DENND2B: variants seen among roughly 807,000 people sequenced by gnomAD.
The protein encoded by DENND2B is DENN domain-containing protein 2B.
In DENND2B, 32 loss-of-function variants were observed where a neutral mutation model predicts 116.0. The observed-to-expected ratio is 0.28, with a 90% CI of 0.21 to 0.37. The LOEUF is 0.37. Among genes scored for constraint, DENND2B ranks in the 10% least tolerant of loss-of-function variants. The pLI is 1.00. For missense variants in DENND2B, 1,276 were observed against 1,477.7 expected, an observed-to-expected ratio of 0.86 and a Z score of 2.24; for synonymous variants, 588 against 583.9, an observed-to-expected ratio of 1.01 and a Z score of -0.10.
intron 7 of DENND2B, 34 bp downstream of exon 7, chr11:8,714,576 A>G: frequency 6.3e-7 from 1 of 1,592,630 alleles, no homozygotes; most frequent in Non-Finnish European, 8.6e-7. Context: ...CAAGGGCCCC[A>G]AACAGCTGAA....
chr11:8,767,825 T>G (rs2056132781), intron 1 of DENND2B, among the ~76,000 whole-genome samples: 1 of 152,108 alleles, frequency 6.6e-6, no homozygotes, highest in Non-Finnish European at 1.5e-5. Context: ...TTCTTAGAGT[T>G]GACTAAAAAG....
chr11:8,734,390 G>A (rs546228994), intron 2 of DENND2B, among the ~76,000 whole-genome samples: 2 of 152,160 alleles, frequency 1.3e-5, no homozygotes, highest in East Asian at 1.9e-4. Flanking sequence ...CACAGCCTTG[G>A]GGTTCAAGTT....
rs1283379255 is a variant in DENND2B at position 8,810,534 on chromosome 11, T to A, written c.-43A>T. On this transcript the variant is annotated 5_prime_UTR_variant, in exon 1 of 20. An upstream open reading frame in the 5' UTR gains an earlier in-frame stop. Coordinates refer to ENST00000313726, the MANE Select transcript of DENND2B (RefSeq NM_213618.2). ...GCCCTTACCTGAAAGTCCCGCTGCT[T>A]TCCTGCCCACTCCATTCTCACACCG... is the stretch of plus-strand genomic sequence containing the variant. 6.6e-6 allele frequency: 1 copy of A among 152,234 alleles called. No homozygotes were observed. The highest frequency in any genetic ancestry group is 2.4e-5 in the African/African-American group (1 of 41,444). 9.4% of individuals were successfully genotyped at this position (152,234 alleles called of 1,614,324 possible).
At chr11:8,719,284 T>C in intron 4 of DENND2B, 1 of 959,348 alleles carries the variant, frequency 1.0e-6, no homozygotes. Context: ...GGCATCTACT[T>C]ATGCAGAACC....
intron 4 of DENND2B, among the ~76,000 whole-genome samples, chr11:8,723,557 G>A (rs2046561519): frequency 6.6e-6 from 1 of 152,176 alleles, no homozygotes; most frequent in African/African-American, 2.4e-5. Context: ...CTTCCACTCT[G>A]GGATGTTAGT....
At chr11:8,772,989 C>T (rs1170988555) in intron 1 of DENND2B, among the ~76,000 whole-genome samples, 3 of 152,198 alleles carry the variant, frequency 2.0e-5, no homozygotes, top group Non-Finnish European at 2.9e-5. Context: ...ATTTCTGCCC[C>T]GCTCTGAGCC....
rs112440263 is a variant in DENND2B at position 8,902,929 on chromosome 11, G to A, written c.-256+7892C>T. 7.6e-4 allele frequency among the ~76,000 whole-genome samples: 115 copies of A among 152,136 alleles called. 1 individual carries two copies. Among genetic ancestry groups the A allele is most frequent in the African/African-American group, 2.7e-3 (111 of 41,548 alleles). On this transcript the variant is annotated intron_variant, in intron 1 of 22. Transcript: ENST00000534127. ...CATTTGATCACAGTGGTGCAATCTCGGCTCACTGCAACCTCCACCTCCCAG... is the reference window on the plus strand; with the variant it reads ...CATTTGATCACAGTGGTGCAATCTCAGCTCACTGCAACCTCCACCTCCCAG...
chr11:8,734,086 C>T (rs956615595), intron 2 of DENND2B, among the ~76,000 whole-genome samples: 1 of 152,172 alleles, frequency 6.6e-6, no homozygotes, highest in African/African-American at 2.4e-5. Context: ...TCACTCATTC[C>T]AAGGTCTGGT....
intron 1 of DENND2B, among the ~76,000 whole-genome samples, chr11:8,801,257 C>T (rs1565978803): frequency 6.6e-6 from 1 of 152,016 alleles, no homozygotes; most frequent in African/African-American, 2.4e-5. Context: ...ACAGGAGCTC[C>T]GATCTATATG....
chr11:8,877,049 CCT>C (rs1594330016), intron 2 of DENND2B, among the ~76,000 whole-genome samples: 2 of 151,706 alleles, frequency 1.3e-5, no homozygotes, highest in East Asian at 3.9e-4. Flanking sequence ...TCCCCTCACT[CCT>C]CTGTCTTGCT....
chr11:8,734,767 C>T (rs1275895841), intron 2 of DENND2B, among the ~76,000 whole-genome samples: 1 of 122,520 alleles, frequency 8.2e-6, no homozygotes, highest in Non-Finnish European at 1.6e-5. Context: ...CCGGCCTGGG[C>T]AGCAAGAGTG....
intron 1 of DENND2B, chr11:8,776,483 G>C (rs1228283257): frequency 2.9e-6 from 1 of 344,162 alleles, no homozygotes; most frequent in Non-Finnish European, 5.7e-6. Context: ...CCGGTGGGAG[G>C]GGCTTCAACA....
At chr11:8,889,581 C>T (rs2064001906) in intron 1 of DENND2B, among the ~76,000 whole-genome samples, 2 of 152,236 alleles carry the variant, frequency 1.3e-5, no homozygotes, top group Admixed American at 1.3e-4. Context: ...GCAAACGGCA[C>T]AACAGGAGAT....
Position 8,712,092 on chromosome 11 carries a change from G to A in DENND2B, c.2172+459C>T, listed in dbSNP as rs114959446. 1.4e-3 allele frequency: 567 copies of A among 414,288 alleles called. 4 individuals are homozygous for A. Among genetic ancestry groups the A allele is most frequent in the African/African-American group, 0.011 (533 of 48,794 alleles). 25.7% of individuals were successfully genotyped at this position (414,288 alleles called of 1,614,324 possible). On this transcript the variant is annotated intron_variant, in intron 9 of 19. Transcript: ENST00000313726. This position sits in a 1 kb window ranked among gnomAD's most constrained non-coding sequence, Gnocchi z 4.4. The stretch of plus-strand genomic sequence containing the variant: ...TTGAGTGTGAGAGGAAGAAGAGGGA[G>A]GCCAGGCTGGCTGGCGACAAGCAGG...
intron 11 of DENND2B, chr11:8,708,280 C>G: frequency 2.0e-6 from 2 of 985,470 alleles, no homozygotes; most frequent in South Asian, 9.4e-5. Context: ...AGGGCACATT[C>G]GGCATACCAT....
intron 1 of DENND2B, among the ~76,000 whole-genome samples, chr11:8,783,241 A>G (rs2058574678): frequency 6.6e-6 from 1 of 152,062 alleles, no homozygotes; most frequent in Non-Finnish European, 1.5e-5. Flanking sequence ...TTTTCTAGAA[A>G]TAGCATCTCA....
At chr11:8,767,767 T>C (rs2056120750) in intron 1 of DENND2B, among the ~76,000 whole-genome samples, 1 of 152,190 alleles carries the variant, frequency 6.6e-6, no homozygotes, top group Non-Finnish European at 1.5e-5. Flanking sequence ...GCCTTTGAGA[T>C]GGGCATGGGT....
intron 1 of DENND2B, among the ~76,000 whole-genome samples, chr11:8,779,371 T>A (rs932180771): frequency 1.3e-5 from 2 of 152,096 alleles, no homozygotes; most frequent in Non-Finnish European, 2.9e-5. Context: ...CCCTAGCAGG[T>A]ATGGAGGAAG....
chr11:8,723,347 A>G (rs2046517911), intron 4 of DENND2B, among the ~76,000 whole-genome samples: 1 of 152,028 alleles, frequency 6.6e-6, no homozygotes, highest in African/African-American at 2.4e-5. Flanking sequence ...GGCTTCAACC[A>G]TTTCTCTCTG....
Sources: allele counts gnomAD v4.1 joint callset (sites outside exome capture counted in the v4.1 genomes callset), GRCh38; gene constraint gnomAD v4.1.1; non-coding constraint Gnocchi (gnomAD v3.1); transcripts MANE v1.5; gene names NCBI Gene and HGNC (gene_info 2026-07-23, HGNC 2026-07-21).